The following CNTNAP5 variants were observed in gnomAD, a reference collection of about 807,000 sequenced individuals.
The protein encoded by CNTNAP5 is contactin associated protein family member 5, also known as contactin-associated protein-like 5.
A neutral mutation model predicts 150.2 loss-of-function variants in CNTNAP5; 72 were observed. The ratio of observed to expected loss-of-function variants is 0.48; its 90% confidence interval spans 0.40 to 0.58. CNTNAP5 has a LOEUF of 0.58. CNTNAP5 is among the 20% of genes least tolerant of loss of function. CNTNAP5 has a pLI of 0.00. For synonymous variants in CNTNAP5, 672 were observed against 619.8 expected (o/e 1.08, Z -1.25); for missense variants, 1,636 against 1,626.2 (o/e 1.01, Z -0.10).
At chr2:124,599,068 G>A (rs984140330) in intron 11 of CNTNAP5, among the ~76,000 whole-genome samples, 237 of 143,154 alleles carry the variant, frequency 1.7e-3, no homozygotes, top group South Asian at 4.6e-3. Context: ...AGATGAACCC[G>A]GTACCTCAGA....
chr2:124,704,435 A>G (rs943744682), intron 13 of CNTNAP5, among the ~76,000 whole-genome samples: 1 of 151,222 alleles, frequency 6.6e-6, no homozygotes, highest in Non-Finnish European at 1.5e-5. Context: ...TTATATCACT[A>G]TTCCAGGAAC....
At chr2:124,599,599 A>T (rs1159602778) in intron 11 of CNTNAP5, among the ~76,000 whole-genome samples, 1 of 152,186 alleles carries the variant, frequency 6.6e-6, no homozygotes, top group Non-Finnish European at 1.5e-5. Flanking sequence ...AGATGGGAAG[A>T]TATCTTTCTT....
intron 1 of CNTNAP5, among the ~76,000 whole-genome samples, chr2:124,168,029 T>C (rs556572834): frequency 1.3e-5 from 2 of 152,198 alleles, no homozygotes; most frequent in Non-Finnish European, 1.5e-5. Flanking sequence ...AGTTCCTTAC[T>C]ATAAAAGAGG....
At chr2:124,680,823 T>C (rs1171725764) in intron 13 of CNTNAP5, 2 of 151,864 alleles carry the variant, frequency 1.3e-5, no homozygotes, top group African/African-American at 4.8e-5. Flanking sequence ...TTTACATAAT[T>C]TGGGTATGAA....
intron 12 of CNTNAP5, among the ~76,000 whole-genome samples, chr2:124,627,949 A>G (rs1254685971): frequency 1.3e-5 from 2 of 152,200 alleles, no homozygotes; most frequent in Non-Finnish European, 2.9e-5. Flanking sequence ...GAACTGACCA[A>G]GTGGAAGAGA....
At chr2:124,911,799 C>A (rs1435553222) in intron 23 of CNTNAP5, among the ~76,000 whole-genome samples, 1 of 152,126 alleles carries the variant, frequency 6.6e-6, no homozygotes. Flanking sequence ...GGAGCATTTA[C>A]TTACAGACAG....
At chr2:124,705,105 A>G (rs947118695) in intron 13 of CNTNAP5, among the ~76,000 whole-genome samples, 1 of 150,646 alleles carries the variant, frequency 6.6e-6, no homozygotes, top group African/African-American at 2.4e-5. Context: ...TTAAATGTAT[A>G]CATATAGTTA....
At chr2:124,175,768 A>T (rs899800216) in intron 1 of CNTNAP5, among the ~76,000 whole-genome samples, 1 of 152,174 alleles carries the variant, frequency 6.6e-6, no homozygotes, top group Non-Finnish European at 1.5e-5. Flanking sequence ...GGCTTTATTC[A>T]TTTTTATGGC....
intron 18 of CNTNAP5, among the ~76,000 whole-genome samples, chr2:124,796,678 G>A (rs1681852891): frequency 6.6e-6 from 1 of 152,164 alleles, no homozygotes; most frequent in Non-Finnish European, 1.5e-5. Context: ...ATAGAATTAG[G>A]AAGAAAAAGC....
At chr2:124,270,923 T>C (rs2104612467) in intron 3 of CNTNAP5, among the ~76,000 whole-genome samples, 1 of 152,294 alleles carries the variant, frequency 6.6e-6, no homozygotes, top group East Asian at 1.9e-4. Context: ...GGTTCCTAAG[T>C]TATGGTCTTC....
intron 1 of CNTNAP5, among the ~76,000 whole-genome samples, chr2:124,089,252 CA>C (rs1682764070): frequency 6.6e-6 from 1 of 150,476 alleles, no homozygotes; most frequent in African/African-American, 2.4e-5. Context: ...TCCACCTTCT[CA>C]AAGGCTGAAG....
At chr2:124,144,601 T>G (rs1189313524) in intron 1 of CNTNAP5, among the ~76,000 whole-genome samples, 1 of 114,328 alleles carries the variant, frequency 8.7e-6, no homozygotes, top group Non-Finnish European at 1.8e-5. Flanking sequence ...TGTAGAAAGC[T>G]GAAACTGGAT....
chr2:124,085,164 C>G (rs1682654716), intron 1 of CNTNAP5, among the ~76,000 whole-genome samples: 2 of 151,916 alleles, frequency 1.3e-5, no homozygotes, highest in Non-Finnish European at 2.9e-5. Context: ...TCGTGATCCA[C>G]CTGCCTCGGC....
At chr2:124,849,842 G>A (rs1175462991) in intron 19 of CNTNAP5, among the ~76,000 whole-genome samples, 1 of 152,182 alleles carries the variant, frequency 6.6e-6, no homozygotes, top group Non-Finnish European at 1.5e-5. Context: ...GCCTAACTGA[G>A]TGGGATTATC....
chr2:124,255,581 AAATAATAATT>A (rs1558821617), intron 3 of CNTNAP5, among the ~76,000 whole-genome samples: 124 of 45,518 alleles, frequency 2.7e-3, no homozygotes, highest in African/African-American at 5.2e-3. Context: ...AAATAAAATA[AAATAATAATT>A]TTTTTTTAAA....
intron 14 of CNTNAP5, among the ~76,000 whole-genome samples, chr2:124,748,095 C>G (rs1475334700): frequency 6.6e-6 from 1 of 151,930 alleles, no homozygotes; most frequent in Non-Finnish European, 1.5e-5. Flanking sequence ...TAGGCTGTTT[C>G]TTCATGCTCC....
chr2:124,451,079 C>CAT (rs1553469348), intron 6 of CNTNAP5, among the ~76,000 whole-genome samples: 12,740 of 93,098 alleles, frequency 0.14, 1,309 homozygotes, highest in Middle Eastern at 0.2. Flanking sequence ...TATATATATA[C>CAT]ACACACACAC....
intron 3 of CNTNAP5, among the ~76,000 whole-genome samples, chr2:124,317,833 ATG>A (rs146716724): frequency 2.4e-4 from 36 of 151,520 alleles, no homozygotes; most frequent in South Asian, 1.5e-3. Context: ...GTAATGGAAC[ATG>A]TGTGTGTGTG....
intron 10 of CNTNAP5, among the ~76,000 whole-genome samples, chr2:124,537,067 A>G (rs962563205): frequency 6.6e-6 from 1 of 150,512 alleles, no homozygotes; most frequent in Non-Finnish European, 1.5e-5. Context: ...AGAGAGAGAG[A>G]CAGAGAGACT....
Sources: allele counts gnomAD v4.1 joint callset (sites outside exome capture counted in the v4.1 genomes callset), GRCh38; gene constraint gnomAD v4.1.1; transcripts MANE v1.5; gene names NCBI Gene and HGNC (gene_info 2026-07-23, HGNC 2026-07-21).